The following SLCO3A1 variants were observed in gnomAD, a reference collection of about 807,000 sequenced individuals.
SLCO3A1 encodes solute carrier organic anion transporter family member 3A1.
SLCO3A1 carries 27 observed loss-of-function variants against 63.1 expected under a neutral mutation model. That is an observed-to-expected ratio of 0.43 (90% CI 0.32 to 0.59). The LOEUF (loss-of-function observed/expected upper bound fraction) is 0.59, where lower values mean the gene tolerates loss of function less well. Ranked by LOEUF, SLCO3A1 falls within the 20% of genes least tolerant of loss-of-function variation. The pLI is 0.09. For missense variants in SLCO3A1, 773 were observed against 945.8 expected, an observed-to-expected ratio of 0.82 and a Z score of 2.40; for synonymous variants, 473 against 409.9, an observed-to-expected ratio of 1.15 and a Z score of -1.86.
At chr15:91,889,289 A>G (rs903956324) in intron 1 of SLCO3A1, 3 of 530,368 alleles carry the variant, frequency 5.7e-6, no homozygotes, top group Non-Finnish European at 6.8e-6. Context: ...TATGGGCTTC[A>G]TAGCACCTGT....
At position 91,967,618 on chromosome 15, in the gene SLCO3A1, A is replaced by G. The variant is rs1900707031; in HGVS notation, c.646+51160A>G. ...TATTACACAGATAATCCCATATGAA[A>G]TAAATTAAACCCGTTTTACAGATGG... is the stretch of plus-strand genomic sequence containing the variant. On this transcript the variant is annotated intron_variant, in intron 2 of 9. Transcript: ENST00000318445. The surrounding 1 kb of genome is among the most constrained non-coding windows in gnomAD (Gnocchi z 4.4). 6.6e-6 allele frequency among the ~76,000 whole-genome samples: 1 copy of G among 152,370 alleles called. No homozygotes were observed. The highest frequency in any genetic ancestry group is 2.4e-5 in the African/African-American group (1 of 41,590).
At chr15:91,921,181 C>T (rs569776173) in intron 2 of SLCO3A1, among the ~76,000 whole-genome samples, 2 of 152,286 alleles carry the variant, frequency 1.3e-5, no homozygotes, top group Admixed American at 1.3e-4. Flanking sequence ...CAGATGGTTG[C>T]CTTCTACCTG....
rs2048456218 is a variant in SLCO3A1 at position 92,162,808 on chromosome 15, G to T, written c.1806G>T (p.Leu602=). ...GGGCTGGCATCGACTCCACCTGCCT[G>T]TTCTGGAGCACGTTCTGTGGGGAGC... is the stretch of plus-strand genomic sequence containing the variant. ...IFGAGIDSTC[L]FWSTFCGEQG... Residue 602 remains leucine, a synonymous_variant, in exon 10 of 10, where the codon CTG becomes CTT. Coordinates refer to ENST00000318445, the MANE Select transcript of SLCO3A1 (RefSeq NM_013272.4). 1.2e-6 allele frequency: 2 copies of T among 1,614,136 alleles called. No homozygotes were observed. The highest frequency in any genetic ancestry group is 1.7e-4 in the Middle Eastern group (1 of 6,060).
Position 92,141,011 on chromosome 15 carries a change from C to T in SLCO3A1, c.1513-5973C>T, listed in dbSNP as rs570614143. Among the ~76,000 whole-genome samples, 99 of 152,294 alleles carry T rather than the reference C, an allele frequency of 6.5e-4. 1 individual carries two copies. Among genetic ancestry groups the T allele is most frequent in the Non-Finnish European group, 7.6e-4 (52 of 68,028 alleles). On this transcript the variant is annotated intron_variant, in intron 7 of 9. Transcript: ENST00000318445. ...CAGGTCTGTCTGTTGGATATGTTCT[C>T]GTAGAACGGACAAGCCTGTTCCCCC...
intron 2 of SLCO3A1, among the ~76,000 whole-genome samples, chr15:92,016,216 G>GATAA: frequency 1.2e-5 from 1 of 82,646 alleles, no homozygotes; most frequent in African/African-American, 6.6e-5. Flanking sequence ...TAGATAGATA[G>GATAA]ATAGATAGAT....
At chr15:92,158,050 A>T (rs2048393518) in intron 9 of SLCO3A1, among the ~76,000 whole-genome samples, 1 of 152,218 alleles carries the variant, frequency 6.6e-6, no homozygotes, top group African/African-American at 2.4e-5. Context: ...GCCTACCACG[A>T]TGACAACTCC....
Position 91,912,876 on chromosome 15 carries a change from G to A in SLCO3A1, c.181-3117G>A, listed in dbSNP as rs531528458. On this transcript the variant is annotated intron_variant, in intron 1 of 9. Coordinates refer to ENST00000318445, the MANE Select transcript of SLCO3A1 (RefSeq NM_013272.4). The surrounding 1 kb of genome is among the most constrained non-coding windows in gnomAD (Gnocchi z 5.0). ...TCAAGACTCACACAAAGGCCTGGGCGAGGCTCCCCAAAGCCCCCTACCTCC... is the reference window on the plus strand; with the variant it reads ...TCAAGACTCACACAAAGGCCTGGGCAAGGCTCCCCAAAGCCCCCTACCTCC... Among the ~76,000 whole-genome samples the A allele has an allele frequency of 1.3e-5, 2 of 152,234 alleles. No individual in the cohort carries two copies. Among genetic ancestry groups the A allele is most frequent in the African/African-American group, 4.8e-5 (2 of 41,536 alleles).
chr15:92,011,289 A>G (rs958578176), intron 2 of SLCO3A1, among the ~76,000 whole-genome samples: 2 of 152,132 alleles, frequency 1.3e-5, no homozygotes, highest in African/African-American at 2.4e-5. Flanking sequence ...CTTATGATCA[A>G]ATCAGGGTAA....
chr15:92,076,011 C>T (rs1225522913), intron 2 of SLCO3A1, among the ~76,000 whole-genome samples: 5 of 152,178 alleles, frequency 3.3e-5, no homozygotes, highest in Admixed American at 6.5e-5. Flanking sequence ...TAAACTCTGT[C>T]GACTTCTGAC....
chr15:92,092,899 C>A (rs1035891428), intron 2 of SLCO3A1, among the ~76,000 whole-genome samples: 1 of 152,188 alleles, frequency 6.6e-6, no homozygotes, highest in Non-Finnish European at 1.5e-5. Context: ...ACCTTATTAA[C>A]AGAAATAAGA....
chr15:91,939,425 A>G (rs1322063351), intron 2 of SLCO3A1, among the ~76,000 whole-genome samples: 7 of 152,246 alleles, frequency 4.6e-5, no homozygotes, highest in Non-Finnish European at 8.8e-5. Flanking sequence ...GGGGACACAG[A>G]TCATATAGGC....
chr15:92,107,769 A>G (rs541160812), intron 4 of SLCO3A1, among the ~76,000 whole-genome samples: 2 of 152,270 alleles, frequency 1.3e-5, no homozygotes, highest in East Asian at 1.9e-4. Context: ...CTTCTCTGGA[A>G]CTTAGAGTCT....
At chr15:91,946,946 C>G (rs142097810) in intron 2 of SLCO3A1, among the ~76,000 whole-genome samples, 323 of 152,304 alleles carry the variant, frequency 2.1e-3, no homozygotes, top group African/African-American at 7.4e-3. Context: ...AGTTTATAAT[C>G]AAATGTGTCC....
intron 2 of SLCO3A1, among the ~76,000 whole-genome samples, chr15:92,085,026 C>T (rs2151527454): frequency 6.6e-6 from 1 of 152,304 alleles, no homozygotes; most frequent in South Asian, 2.1e-4. Flanking sequence ...GGGCTGGGCC[C>T]CCACCATTGC....
At chr15:91,983,342 C>G (rs112749823) in intron 2 of SLCO3A1, among the ~76,000 whole-genome samples, 94 of 152,212 alleles carry the variant, frequency 6.2e-4, no homozygotes, top group African/African-American at 2.3e-3. Context: ...GAGAATTACC[C>G]GAGTGGGAGG....
At chr15:92,122,505 T>C (rs186335660) in intron 5 of SLCO3A1, among the ~76,000 whole-genome samples, 81 of 152,194 alleles carry the variant, frequency 5.3e-4, no homozygotes, top group African/African-American at 2.0e-3. Context: ...TAGAACCAAG[T>C]GTTGGGGAGG....
At chr15:91,990,575 A>C in intron 2 of SLCO3A1, among the ~76,000 whole-genome samples, 1 of 149,726 alleles carries the variant, frequency 6.7e-6, no homozygotes, top group Non-Finnish European at 1.5e-5. Context: ...TTAACCTCCA[A>C]CTTCTTCCAG....
chr15:91,906,858 A>G (rs1159959519), intron 1 of SLCO3A1, among the ~76,000 whole-genome samples: 4 of 152,148 alleles, frequency 2.6e-5, no homozygotes, highest in African/African-American at 9.7e-5. Flanking sequence ...TTATTTTTCT[A>G]TGATGGACCA....
chr15:92,160,870 G>C (rs1481425168), intron 9 of SLCO3A1, among the ~76,000 whole-genome samples: 1 of 152,160 alleles, frequency 6.6e-6, no homozygotes, highest in African/African-American at 2.4e-5. Flanking sequence ...GAATGGAGGT[G>C]CTGCTGTGCT....
Sources: gnomAD v4.1 joint callset for allele counts (sites outside exome capture counted in the v4.1 genomes callset) on GRCh38, gnomAD v4.1.1 for gene constraint, Gnocchi (gnomAD v3.1) non-coding constraint, MANE v1.5 for transcripts, NCBI Gene and HGNC (gene_info 2026-07-23, HGNC 2026-07-21) for gene names.